DDX19B: variants seen among roughly 807,000 people sequenced by gnomAD.
The protein encoded by DDX19B is ATP-dependent RNA helicase DDX19B.
Under a neutral mutation model 58.1 loss-of-function variants are expected in DDX19B, and 27 were observed. The observed-to-expected ratio is 0.46, with a 90% confidence interval of 0.34 to 0.64. The LOEUF (loss-of-function observed/expected upper bound fraction) is 0.64. DDX19B is among the 30% of genes least tolerant of loss of function. The pLI, the probability that DDX19B is intolerant of heterozygous loss-of-function variation, is 0.01. For missense variants in DDX19B, 399 were observed against 596.5 expected, an observed-to-expected ratio of 0.67 and a Z score of 3.45; for synonymous variants, 187 against 214.4, an observed-to-expected ratio of 0.87 and a Z score of 1.12.
intron 10 of DDX19B, among the ~76,000 whole-genome samples, chr16:70,332,311 ATTTTT>A (rs1273831139): frequency 1.3e-5 from 2 of 151,918 alleles, no homozygotes; most frequent in African/African-American, 4.8e-5. Flanking sequence ...GTATTTATTT[ATTTTT>A]TTGAGACAGA....
At chr16:70,309,293 A>G (rs1271267174) in intron 1 of DDX19B, among the ~76,000 whole-genome samples, 1 of 151,706 alleles carries the variant, frequency 6.6e-6, no homozygotes, top group Admixed American at 6.6e-5. Context: ...CAGGAGATCG[A>G]GACCATCCTG....
intron 10 of DDX19B, among the ~76,000 whole-genome samples, chr16:70,332,623 C>T (rs754248212): frequency 1.3e-5 from 2 of 152,076 alleles, no homozygotes; most frequent in Non-Finnish European, 2.9e-5. Flanking sequence ...TCCCTTTACC[C>T]GAAGTTGGTA....
chr16:70,332,211 C>G (rs781055198), intron 10 of DDX19B, among the ~76,000 whole-genome samples: 16 of 152,172 alleles, frequency 1.1e-4, no homozygotes, highest in Non-Finnish European at 2.4e-4. Context: ...TTGGCACCTG[C>G]CAAAGTTTTG....
chr16:70,326,464 G>A (rs973856038), intron 7 of DDX19B, among the ~76,000 whole-genome samples: 1 of 152,232 alleles, frequency 6.6e-6, no homozygotes, highest in Non-Finnish European at 1.5e-5. Flanking sequence ...GCGACAGAGC[G>A]AGACTCCGTC....
At chr16:70,296,005 ATTT>A (rs113857820), upstream of DDX19B, among the ~76,000 whole-genome samples, 38 of 134,736 alleles carry the variant, frequency 2.8e-4, no homozygotes, top group African/African-American at 9.4e-4. Context: ...TATCTTAAGC[ATTT>A]TTTTTTTTTT....
intron 1 of DDX19B, among the ~76,000 whole-genome samples, chr16:70,300,891 A>AT (rs201986360): frequency 5.0e-4 from 75 of 150,738 alleles, no homozygotes; most frequent in Non-Finnish European, 7.2e-4. Flanking sequence ...TTTATGCTTC[A>AT]TTTTTTTTTC....
At position 70,334,919 on chromosome 16, in the gene DDX19B, T is replaced by A. The variant is rs888463908; in HGVS notation, c.*1337T>A. On this transcript the variant is annotated 3_prime_UTR_variant, in exon 12 of 12. Coordinates refer to ENST00000288071, the MANE Select transcript of DDX19B (RefSeq NM_007242.7). ...ACTCTGCAGTTCTTTGGCTTTGGTA[T>A]AGAGTGGCCACTTTCTCTAGGACCT... 1.3e-5 allele frequency: 2 copies of A among 152,244 alleles called. No homozygotes were observed. The highest frequency in any genetic ancestry group is 2.9e-5 in the Non-Finnish European group (2 of 68,050). The allele number at this position is 152,244 out of a possible 1,614,324, so 9.4% of individuals were successfully genotyped here. A position where few individuals can be genotyped will look rare whatever the true frequency, so the allele number is the denominator to read the frequency against.
At chr16:70,332,910 CAT>C (rs1257834506) in intron 10 of DDX19B, 56 bp from the exon 11 acceptor site, 1 of 1,613,990 alleles carries the variant, frequency 6.2e-7, no homozygotes, top group Non-Finnish European at 8.5e-7. Context: ...GGATGGACCA[CAT>C]GACTGATTTG....
chr16:70,308,934 C>A (rs976506168), intron 1 of DDX19B, among the ~76,000 whole-genome samples: 3 of 152,080 alleles, frequency 2.0e-5, no homozygotes, highest in African/African-American at 7.2e-5. Context: ...TTAAGCCCCA[C>A]ATGTATTAGC....
At chr16:70,329,799 C>G (rs529276130) in intron 8 of DDX19B, 32 bp from the exon 9 acceptor site, 3 of 1,613,396 alleles carry the variant, frequency 1.9e-6, no homozygotes, top group African/African-American at 2.7e-5. Flanking sequence ...CCGGGGCCAC[C>G]TGGGGCCACC....
In DDX19B at chr16:70,329,843, G is replaced by A. The variant is rs1597502210; in HGVS notation, c.798G>A (p.Arg266=). The A allele has an allele frequency of 1.2e-6, 2 of 1,614,206 alleles. No homozygotes were observed. The highest frequency in any genetic ancestry group is 1.7e-6 in the Non-Finnish European group (2 of 1,180,048). Reference sequence around the variant, plus strand: ...CCTTCCCTTGCAGGATGCTGCCCAGGAACTGCCAGATGCTGCTTTTCTCCG... The same window carrying A: ...CCTTCCCTTGCAGGATGCTGCCCAGAAACTGCCAGATGCTGCTTTTCTCCG... ...QSIRIQRMLP[R]NCQMLLFSAT... Residue 266 remains arginine (R), a synonymous_variant, in exon 9 of 12, where the codon AGG becomes AGA. Transcript: ENST00000288071.
Position 70,329,934 on chromosome 16 carries a change from C to T in DDX19B, c.889C>T (p.Leu297=). ...GGTCCCAGACCCAAACGTTATCAAA[C>T]TGAAGCGTGAGGAAGAGACCCTGGA... ...KVVPDPNVIK[L]KREEETLDTI... is the part of the protein sequence containing the mutation. Residue 297 remains leucine, a synonymous_variant, in exon 9 of 12, where the codon CTG becomes TTG. Coordinates refer to ENST00000288071, the MANE Select transcript of DDX19B (RefSeq NM_007242.7). 1.2e-6 allele frequency: 2 copies of T among 1,614,244 alleles called. No individual in the cohort carries two copies. Among genetic ancestry groups the T allele is most frequent in the East Asian group, 4.5e-5 (2 of 44,880 alleles).
intron 5 of DDX19B, among the ~76,000 whole-genome samples, chr16:70,322,757 T>C (rs1962910296): frequency 6.6e-6 from 1 of 151,996 alleles, no homozygotes; most frequent in African/African-American, 2.4e-5. Context: ...CCAGACGTGG[T>C]GGCAGGCATC....
At position 70,317,586 on chromosome 16, in the gene DDX19B, G is replaced by C; in HGVS notation, c.387G>C (p.Glu129Asp). Residue 129 changes from glutamate to aspartate, a missense_variant and splice_region_variant, in exon 5 of 12, where the codon GAG becomes GAC. This residue lies in a region of DDX19B where 132 missense variants were observed against 159.4 expected (regional missense o/e 0.83). Transcript: ENST00000288071. ...QENALPLMLA[E>D]PPQNLIAQSQ... ...ACGCATTGCCACTGATGCTTGCTGA[G>C]CCGTATGTGTCCTATTACAACTCCA... is the stretch of plus-strand genomic sequence containing the variant. The C allele has an allele frequency of 6.2e-7, 1 of 1,610,154 alleles. No homozygotes were observed. The highest frequency in any genetic ancestry group is 8.5e-7 in the Non-Finnish European group (1 of 1,177,436).
In DDX19B at chr16:70,315,366, G is replaced by A. The variant is rs189637619; in HGVS notation, c.160+411G>A. Among the ~76,000 whole-genome samples the A allele has an allele frequency of 6.6e-3, 907 of 137,056 alleles. 6 individuals are homozygous for A. The highest frequency in any genetic ancestry group is 0.01 in the Non-Finnish European group (672 of 65,398). The allele number at this position is 137,056 out of a possible 152,430, so 89.9% of individuals were successfully genotyped here. On this transcript the variant is annotated intron_variant, in intron 3 of 11. Coordinates refer to ENST00000288071, the MANE Select transcript of DDX19B (RefSeq NM_007242.7). ...CGAGCCACTGCACTCTAGCCTGGGC[G>A]AAAGAGCGAGACTCTGTCTCAAAAA... is the stretch of plus-strand genomic sequence containing the variant.
intron 5 of DDX19B, among the ~76,000 whole-genome samples, chr16:70,323,165 T>C (rs922961082): frequency 1.3e-5 from 2 of 152,132 alleles, no homozygotes; most frequent in Non-Finnish European, 2.9e-5. Flanking sequence ...CAGTCTCAGC[T>C]CACTGCAGCC....
chr16:70,320,080 A>G (rs1057278696), intron 5 of DDX19B, among the ~76,000 whole-genome samples: 2 of 151,708 alleles, frequency 1.3e-5, no homozygotes, highest in African/African-American at 4.8e-5. Flanking sequence ...GATCATTTAT[A>G]TTTGTGGATC....
chr16:70,316,133 C>G, intron 4 of DDX19B, 29 bp downstream of exon 4: 1 of 1,613,464 alleles, frequency 6.2e-7, no homozygotes, highest in East Asian at 2.2e-5. Context: ...TCTGACTCTT[C>G]CCCTTTGCAC....
intron 1 of DDX19B, among the ~76,000 whole-genome samples, chr16:70,301,583 C>A (rs1302559138): frequency 1.3e-5 from 2 of 151,956 alleles, no homozygotes; most frequent in Non-Finnish European, 2.9e-5. Context: ...AACTCTTGTT[C>A]TTCAGTTATG....
Sources: gnomAD v4.1 joint callset for allele counts (sites outside exome capture counted in the v4.1 genomes callset) on GRCh38, gnomAD v4.1.1 for gene constraint, gnomAD v4.1.1 regional missense constraint, MANE v1.5 for transcripts, NCBI Gene and HGNC (gene_info 2026-07-23, HGNC 2026-07-21) for gene names.